The following CAPS2 variants were observed in gnomAD, a reference collection of about 807,000 sequenced individuals.
CAPS2 encodes the protein calcyphosine 2.
In CAPS2, 98 loss-of-function variants were observed where a neutral mutation model predicts 86.5. The ratio of observed to expected loss-of-function variants is 1.13; its 90% CI spans 0.96 to 1.34. The LOEUF is 1.34. CAPS2 is among the 40% of genes most tolerant of loss of function. The probability of loss-of-function intolerance (pLI) is 0.00; values close to 1 mark genes in which losing one functional copy is unlikely to be tolerated. For synonymous variants in CAPS2, 210 were observed against 225.1 expected, an observed-to-expected ratio of 0.93 and a Z score of 0.60; for missense variants, 729 against 686.8, an observed-to-expected ratio of 1.06 and a Z score of -0.69.
chr12:75,386,570 T>C (rs1387798426), intron 1 of CAPS2, among the ~76,000 whole-genome samples: 1 of 152,206 alleles, frequency 6.6e-6, no homozygotes, highest in Non-Finnish European at 1.5e-5. Context: ...AGGGCTCTCA[T>C]GACCCAATCA....
intron 1 of CAPS2, among the ~76,000 whole-genome samples, chr12:75,338,808 G>A (rs1046824961): frequency 6.7e-6 from 1 of 148,596 alleles, no homozygotes; most frequent in Non-Finnish European, 1.5e-5. Context: ...GTGTCCATGT[G>A]TTCTCATTGT....
At chr12:75,329,914 C>T, upstream of CAPS2, 1 of 1,508,318 alleles carries the variant, frequency 6.6e-7, no homozygotes, top group South Asian at 1.2e-5. Context: ...AAGAGACAGT[C>T]AGCCTGATTT....
At chr12:75,351,205 G>A (rs2139439617) in intron 1 of CAPS2, among the ~76,000 whole-genome samples, 1 of 152,314 alleles carries the variant, frequency 6.6e-6, no homozygotes, top group Non-Finnish European at 1.5e-5. Context: ...TTGAACCTAT[G>A]ACTGATTGGG....
intron 1 of CAPS2, among the ~76,000 whole-genome samples, chr12:75,351,465 C>T (rs1259565016): frequency 2.0e-5 from 3 of 152,072 alleles, no homozygotes; most frequent in African/African-American, 7.2e-5. Context: ...AAAGGGAAGC[C>T]CATCAGACTA....
upstream of CAPS2, among the ~76,000 whole-genome samples, chr12:75,332,742 T>A (rs561719524): frequency 6.6e-6 from 1 of 152,170 alleles, no homozygotes; most frequent in Admixed American, 6.5e-5. Flanking sequence ...GCTAGAGATG[T>A]AGCAATGAAG....
chr12:75,339,813 C>A (rs2041982618), intron 1 of CAPS2, among the ~76,000 whole-genome samples: 1 of 152,006 alleles, frequency 6.6e-6, no homozygotes, highest in South Asian at 2.1e-4. Context: ...TATGGCTAGC[C>A]AGTTCTCCCA....
intron 1 of CAPS2, among the ~76,000 whole-genome samples, chr12:75,351,463 G>A (rs2042804765): frequency 6.6e-6 from 1 of 152,100 alleles, no homozygotes; most frequent in Non-Finnish European, 1.5e-5. Flanking sequence ...ACAAAGGGAA[G>A]CCCATCAGAC....
At chr12:75,375,280 A>G (rs1455430362) in intron 1 of CAPS2, among the ~76,000 whole-genome samples, 1 of 152,120 alleles carries the variant, frequency 6.6e-6, no homozygotes, top group Non-Finnish European at 1.5e-5. Context: ...CTGAGCTAAA[A>G]TTCCATTAAT....
intron 7 of CAPS2, among the ~76,000 whole-genome samples, chr12:75,311,499 C>G (rs1477481491): frequency 6.6e-6 from 1 of 151,744 alleles, no homozygotes; most frequent in African/African-American, 2.4e-5. Flanking sequence ...AAATTGAAAT[C>G]TTAGAGAAGC....
chr12:75,298,398 C>A, intron 11 of CAPS2: 1 of 361,300 alleles, frequency 2.8e-6, no homozygotes. Context: ...CTTTGAAGAA[C>A]TTTTCAAAGT....
At chr12:75,305,294 G>A (rs965889779) in intron 7 of CAPS2, among the ~76,000 whole-genome samples, 43 of 152,194 alleles carry the variant, frequency 2.8e-4, no homozygotes, top group African/African-American at 9.9e-4. Context: ...AGAAGACAGA[G>A]AGAAGAGTTT....
At chr12:75,309,381 T>C (rs1366821404) in intron 7 of CAPS2, among the ~76,000 whole-genome samples, 4 of 152,192 alleles carry the variant, frequency 2.6e-5, no homozygotes, top group Non-Finnish European at 5.9e-5. Flanking sequence ...ACCAAGAACC[T>C]GGAACTACAC....
At chr12:75,296,757 A>ACAC (rs1235499933) in intron 11 of CAPS2, among the ~76,000 whole-genome samples, 7 of 152,168 alleles carry the variant, frequency 4.6e-5, no homozygotes, top group African/African-American at 1.4e-4. Flanking sequence ...ACAAAACAGA[A>ACAC]CACCACCACC....
intron 3 of CAPS2, 63 bp downstream of exon 4, chr12:75,323,114 T>TTATATGC (rs1351410968): frequency 1.9e-5 from 28 of 1,500,900 alleles, no homozygotes; most frequent in Non-Finnish European, 2.5e-5. Flanking sequence ...ATGATATTTC[T>TTATATGC]TATATGCTAT....
At chr12:75,312,112 C>G (rs1437847815) in intron 7 of CAPS2, among the ~76,000 whole-genome samples, 2 of 152,148 alleles carry the variant, frequency 1.3e-5, no homozygotes, top group Non-Finnish European at 1.5e-5. Context: ...TCCATATTAT[C>G]AAGCAATTCA....
chr12:75,296,775 A>C (rs538140151), intron 11 of CAPS2, among the ~76,000 whole-genome samples: 12 of 152,234 alleles, frequency 7.9e-5, no homozygotes, highest in Non-Finnish European at 1.8e-4. Flanking sequence ...ACCAAAAAAA[A>C]AGAGGGATAG....
rs191494151 is a variant in CAPS2 at position 75,283,292 on chromosome 12, G to A, written c.1516-945C>T. ...CAAAGCAACATTCTGCATTCGTAGTGGGGTCAAAACTAGAATCAAGTCTGG... is the reference window on the plus strand; with the variant it reads ...CAAAGCAACATTCTGCATTCGTAGTAGGGTCAAAACTAGAATCAAGTCTGG... On this transcript the variant is annotated intron_variant, in intron 15 of 16. Transcript: ENST00000393284. Among the ~76,000 whole-genome samples the A allele has an allele frequency of 2.9e-3, 439 of 152,210 alleles. 4 individuals are homozygous for A. Among genetic ancestry groups the A allele is most frequent in the South Asian group, 0.015 (70 of 4,822 alleles).
At chr12:75,305,921 C>A in intron 7 of CAPS2, 2 of 962,442 alleles carry the variant, frequency 2.1e-6, no homozygotes, top group Non-Finnish European at 3.3e-6. Flanking sequence ...ACCATGAAGT[C>A]TGCGCTGGTG....
chr12:75,291,567 GTATATATATATATATATATATATA>G lies in CAPS2; in HGVS notation c.1240+153_1240+176del, dbSNP rs66622366. 5.8e-3 allele frequency among the ~76,000 whole-genome samples: 161 copies of G among 27,704 alleles called. 6 individuals carry two copies. The South Asian group carries it at 0.11, about 19-fold the overall frequency. 18.2% of individuals were successfully genotyped at this position (27,704 alleles called of 152,430 possible). A position where few individuals can be genotyped will look rare whatever the true frequency, so the allele number is the denominator to read the frequency against. The stretch of plus-strand genomic sequence containing the variant: ...ATATATATATAGCTTATTTTTAAAA[GTATATATATATATATATATATATA>G]TATATATATATATATATATATTCTT... On this transcript the variant is annotated intron_variant, in intron 13 of 16. Transcript: ENST00000393284.
Sources: gnomAD v4.1 joint callset for allele counts (sites outside exome capture counted in the v4.1 genomes callset) on GRCh38, gnomAD v4.1.1 for gene constraint, MANE v1.5 for transcripts, NCBI Gene and HGNC (gene_info 2026-07-23, HGNC 2026-07-21) for gene names.